Variants in HSDL2 observed in about 807,000 individuals in gnomAD.
The protein encoded by HSDL2 is hydroxysteroid dehydrogenase like 2.
In HSDL2, 27 loss-of-function variants were observed where a neutral mutation model predicts 46.3. The ratio of observed to expected loss-of-function variants is 0.58; its 90% confidence interval spans 0.43 to 0.80. The LOEUF (loss-of-function observed/expected upper bound fraction) is 0.80. Among genes scored for constraint, HSDL2 ranks in the 30% least tolerant of loss-of-function variants. The pLI is 0.00. For missense variants in HSDL2, 451 were observed against 502.7 expected (o/e 0.90, Z 0.98); for synonymous variants, 153 against 163.6 (o/e 0.94, Z 0.50).
intron 1 of HSDL2, among the ~76,000 whole-genome samples, chr9:112,399,947 G>A (rs976296954): frequency 2.6e-5 from 4 of 152,280 alleles, no homozygotes; most frequent in East Asian, 1.9e-4. Context: ...CTCAGCTTAC[G>A]AAGATAACAG....
At chr9:112,464,201 TACACACACACAG>T (rs1330026630) in intron 10 of HSDL2, among the ~76,000 whole-genome samples, 11 of 151,646 alleles carry the variant, frequency 7.3e-5, no homozygotes, top group Non-Finnish European at 1.0e-4. Context: ...ACCCTGCTTC[TACACACACACAG>T]ACACACACAC....
chr9:112,388,097 T>C (rs1194334199), intron 1 of HSDL2, among the ~76,000 whole-genome samples: 1 of 151,120 alleles, frequency 6.6e-6, no homozygotes, highest in Non-Finnish European at 1.5e-5. Context: ...AGGTCAAGGC[T>C]GCAGTGAGCT....
intron 1 of HSDL2, among the ~76,000 whole-genome samples, chr9:112,393,007 T>G (rs1032765443): frequency 2.0e-5 from 3 of 152,202 alleles, no homozygotes; most frequent in African/African-American, 7.2e-5. Context: ...CCTTTCTTTT[T>G]ATATAAATGA....
At chr9:112,456,290 C>T (rs923812445) in intron 9 of HSDL2, among the ~76,000 whole-genome samples, 10 of 152,228 alleles carry the variant, frequency 6.6e-5, no homozygotes, top group African/African-American at 2.4e-4. Context: ...TTCCCCTGAA[C>T]ACACCCTGCT....
intron 8 of HSDL2, among the ~76,000 whole-genome samples, chr9:112,453,385 G>A (rs1223931193): frequency 6.6e-6 from 1 of 151,876 alleles, no homozygotes; most frequent in Admixed American, 6.6e-5. Context: ...GTTGTGTTTA[G>A]GTCTGTTTCT....
At chr9:112,421,565 T>G (rs1832124240) in intron 6 of HSDL2, among the ~76,000 whole-genome samples, 1 of 152,066 alleles carries the variant, frequency 6.6e-6, no homozygotes, top group Non-Finnish European at 1.5e-5. Context: ...AAAAAAAAAT[T>G]TTTGTAGTTT....
chr9:112,426,336 A>G (rs1159729605), intron 6 of HSDL2, among the ~76,000 whole-genome samples: 4 of 151,036 alleles, frequency 2.6e-5, no homozygotes, highest in Non-Finnish European at 5.9e-5. Flanking sequence ...CCCGGGTTCA[A>G]GCGATTCTCA....
At chr9:112,462,704 A>C (rs1214366401) in intron 10 of HSDL2, among the ~76,000 whole-genome samples, 3 of 151,924 alleles carry the variant, frequency 2.0e-5, no homozygotes, top group African/African-American at 7.3e-5. Flanking sequence ...GTTGAGGTCT[A>C]ATTCACATGC....
At chr9:112,440,501 G>A (rs1338651373) in intron 7 of HSDL2, among the ~76,000 whole-genome samples, 1 of 152,130 alleles carries the variant, frequency 6.6e-6, no homozygotes, top group East Asian at 1.9e-4. Context: ...AAATCTTCTA[G>A]TGTGCACATG....
At chr9:112,438,758 A>G (rs1832582735) in intron 7 of HSDL2, 133 bp downstream of exon 7, 3 of 598,216 alleles carry the variant, frequency 5.0e-6, no homozygotes, top group Non-Finnish European at 8.6e-6. Context: ...TTCCCAATGA[A>G]GGAAGAAAAC....
chr9:112,447,118 T>C (rs969938346), intron 8 of HSDL2, among the ~76,000 whole-genome samples: 1 of 152,200 alleles, frequency 6.6e-6, no homozygotes, highest in Non-Finnish European at 1.5e-5. Context: ...CTTTTGTGTG[T>C]GTGTGCATTT....
At chr9:112,412,706 G>A (rs1831902471) in intron 4 of HSDL2, among the ~76,000 whole-genome samples, 1 of 152,114 alleles carries the variant, frequency 6.6e-6, no homozygotes, top group Non-Finnish European at 1.5e-5. Flanking sequence ...GTCTTTGGAA[G>A]CCCATTTGGC....
chr9:112,428,418 T>C (rs1832299993), intron 6 of HSDL2, among the ~76,000 whole-genome samples: 1 of 152,204 alleles, frequency 6.6e-6, no homozygotes, highest in Non-Finnish European at 1.5e-5. Flanking sequence ...AAGAGTGTTG[T>C]TTTTTGCAGT....
At chr9:112,421,136 C>T (rs1472848428) in intron 6 of HSDL2, among the ~76,000 whole-genome samples, 1 of 152,074 alleles carries the variant, frequency 6.6e-6, no homozygotes, top group Admixed American at 6.5e-5. Flanking sequence ...TCAAGACCAG[C>T]CTAGGCAACA....
At chr9:112,446,225 A>C (rs1238279825) in intron 8 of HSDL2, among the ~76,000 whole-genome samples, 1 of 152,034 alleles carries the variant, frequency 6.6e-6, no homozygotes, top group Non-Finnish European at 1.5e-5. Flanking sequence ...ATATGGAGGA[A>C]TTCCTTTTTC....
intron 6 of HSDL2, among the ~76,000 whole-genome samples, chr9:112,424,096 G>A (rs1158752309): frequency 2.0e-5 from 3 of 151,580 alleles, no homozygotes; most frequent in Non-Finnish European, 2.9e-5. Context: ...TGAGGTGGGC[G>A]GATCACGAGG....
chr9:112,385,238 A>G (rs1831190626), intron 1 of HSDL2, among the ~76,000 whole-genome samples: 1 of 152,210 alleles, frequency 6.6e-6, no homozygotes, highest in Non-Finnish European at 1.5e-5. Flanking sequence ...ATGTTTGAAA[A>G]AAGTACAAAA....
At chr9:112,461,052 A>G (rs1564134435) in intron 10 of HSDL2, among the ~76,000 whole-genome samples, 1 of 151,934 alleles carries the variant, frequency 6.6e-6, no homozygotes. Context: ...ACATCTTTCA[A>G]TGTTTATCAT....
chr9:112,419,508 G>A (rs369486905), intron 6 of HSDL2, among the ~76,000 whole-genome samples: 42 of 151,958 alleles, frequency 2.8e-4, no homozygotes, highest in Non-Finnish European at 5.4e-4. Context: ...ATTGACCACC[G>A]GAACACTTTA....
Sources: allele counts gnomAD v4.1 joint callset (sites outside exome capture counted in the v4.1 genomes callset), GRCh38; gene constraint gnomAD v4.1.1; transcripts MANE v1.5; gene names NCBI Gene and HGNC (gene_info 2026-07-23, HGNC 2026-07-21).